The following PIAS2 variants were observed in gnomAD, a reference collection of about 807,000 sequenced individuals.
PIAS2 encodes the protein E3 SUMO-protein ligase PIAS2.
In PIAS2, 19 loss-of-function variants were observed where a neutral mutation model predicts 69.7. That is an observed-to-expected ratio of 0.27 (90% CI 0.19 to 0.40). PIAS2 has a LOEUF of 0.40. Ranked by LOEUF, PIAS2 falls within the 10% of genes least tolerant of loss-of-function variation. The probability of loss-of-function intolerance (pLI) is 1.00; values close to 1 mark genes in which losing one functional copy is unlikely to be tolerated. For missense variants in PIAS2, 624 were observed against 757.0 expected, an observed-to-expected ratio of 0.82 and a Z score of 2.06; for synonymous variants, 261 against 263.2, an observed-to-expected ratio of 0.99 and a Z score of 0.08.
chr18:46,869,791 G>A (rs1252664551), intron 2 of PIAS2, among the ~76,000 whole-genome samples: 2 of 152,146 alleles, frequency 1.3e-5, no homozygotes, highest in Non-Finnish European at 2.9e-5. Flanking sequence ...TCAGTCAAAT[G>A]AGGATTGAAT....
At chr18:46,875,736 G>A (rs141668621) in intron 2 of PIAS2, among the ~76,000 whole-genome samples, 5 of 152,176 alleles carry the variant, frequency 3.3e-5, no homozygotes, top group Non-Finnish European at 7.3e-5. Context: ...TGGCTGAAAC[G>A]GATTAAATAT....
At chr18:46,853,206 G>A (rs1368193480) in intron 5 of PIAS2, 1 of 134,352 alleles carries the variant, frequency 7.4e-6, no homozygotes, top group African/African-American at 2.8e-5. Flanking sequence ...GAGCCTCTAG[G>A]AGGCTAAGAC....
chr18:46,812,465 T>C lies in PIAS2; in HGVS notation c.1834A>G (p.Ser612Gly), dbSNP rs762891257. The stretch of plus-strand genomic sequence containing the variant: ...AATGAGATGATGTCAGGAATGTTAC[T>C]TCCACTGCTGGTTATGACCCCTGTC... The part of the protein sequence containing the change: ...SETGVITSSG[S>G]NIPDIISLD Residue 612 changes from serine to glycine, a missense_variant, in exon 14 of 14, where the codon AGT becomes GGT. Physicochemically the swap from Ser to Gly is moderately conservative, Grantham distance 56. Around this residue, in one of 3 missense-constraint regions of PIAS2, gnomAD observed 241 missense variants for 257.3 expected, o/e 0.94. Coordinates refer to ENST00000585916, the MANE Select transcript of PIAS2 (RefSeq NM_004671.5). 6.2e-7 allele frequency: 1 copy of C among 1,612,708 alleles called. No homozygotes were observed. Among genetic ancestry groups the C allele is most frequent in the Non-Finnish European group, 8.5e-7 (1 of 1,179,024 alleles).
intron 12 of PIAS2, among the ~76,000 whole-genome samples, chr18:46,819,035 G>C (rs890581331): frequency 6.6e-6 from 1 of 152,090 alleles, no homozygotes; most frequent in Non-Finnish European, 1.5e-5. Context: ...TCCAGGTTCA[G>C]AGAACTGAAA....
chr18:46,886,098 C>T (rs899654126), intron 2 of PIAS2, among the ~76,000 whole-genome samples: 2 of 152,180 alleles, frequency 1.3e-5, no homozygotes, highest in African/African-American at 4.8e-5. Context: ...AAGCCTACTA[C>T]AGCATCTTCA....
At chr18:46,814,123 G>A (rs1177083524) in intron 13 of PIAS2, among the ~76,000 whole-genome samples, 2 of 152,106 alleles carry the variant, frequency 1.3e-5, no homozygotes, top group African/African-American at 4.8e-5. Context: ...TGAATTCTTA[G>A]TAGTATTCAG....
intron 1 of PIAS2, chr18:46,891,696 CA>C: frequency 1.1e-6 from 1 of 950,888 alleles, no homozygotes; most frequent in Non-Finnish European, 1.3e-6. Flanking sequence ...GCTGGGTATC[CA>C]AATGAGAAAA....
At chr18:46,871,887 C>T (rs541621989) in intron 2 of PIAS2, among the ~76,000 whole-genome samples, 7 of 152,266 alleles carry the variant, frequency 4.6e-5, no homozygotes, top group Non-Finnish European at 7.4e-5. Flanking sequence ...TCAGTCCAAA[C>T]GGATTTCTCA....
chr18:46,891,681 T>G (rs2146002626), intron 1 of PIAS2: 1 of 968,640 alleles, frequency 1.0e-6, no homozygotes. Flanking sequence ...CAACTGAAAT[T>G]CCCAGCTGGG....
Position 46,829,871 on chromosome 18 carries a change from A to G in PIAS2, c.1203-4T>C, listed in dbSNP as rs1244679198. On this transcript the variant is annotated splice_polypyrimidine_tract_variant and splice_region_variant and intron_variant, in intron 9 of 13. Transcript: ENST00000585916. ...ATTGAGAATTTCCATAAAAAGCCTA[A>G]AAAACAATTAAGAAGTACATACATG... The G allele has an allele frequency of 6.2e-7, 1 of 1,610,554 alleles. No individual in the cohort carries two copies. The highest frequency in any genetic ancestry group is 8.5e-7 in the Non-Finnish European group (1 of 1,178,620).
At chr18:46,844,687 T>C (rs1256263015) in intron 7 of PIAS2, 47 bp downstream of exon 7, 2 of 705,964 alleles carry the variant, frequency 2.8e-6, no homozygotes, top group Non-Finnish European at 4.4e-6. Flanking sequence ...ATATGCTCAA[T>C]CTTTTTTTTT....
chr18:46,807,383 A>ATTTT lies in PIAS2; in HGVS notation c.*5046_*5049dup, dbSNP rs869285083. The ATTTT allele has an allele frequency of 2.8e-3, 33 of 11,594 alleles. 3 individuals carry two copies. The highest frequency in any genetic ancestry group is 4.8e-3 in the Admixed American group (4 of 838). The allele number at this position is 11,594 out of a possible 1,614,324, so 0.7% of individuals were successfully genotyped here. On this transcript the variant is annotated 3_prime_UTR_variant, in exon 14 of 14. Coordinates refer to ENST00000585916, the MANE Select transcript of PIAS2 (RefSeq NM_004671.5). ...TATATATATATATATATATATATAT[A>ATTTT]TTTTTTTTTTTTTTTTTTTTTTTTT... is the stretch of plus-strand genomic sequence containing the variant.
Position 46,807,141 on chromosome 18 carries a change from C to T in PIAS2, c.*5292G>A, listed in dbSNP as rs1479469813. The T allele has an allele frequency of 6.6e-6, 1 of 151,176 alleles. No homozygotes were observed. Among genetic ancestry groups the T allele is most frequent in the Admixed American group, 6.6e-5 (1 of 15,156 alleles). The allele number at this position is 151,176 out of a possible 1,614,324, so 9.4% of individuals were successfully genotyped here. ...CTGGCTTTGGGGAGCTCAGAAAGGC[C>T]ATAATGGGGCCTACAGGAAGAGGAA... On this transcript the variant is annotated 3_prime_UTR_variant, in exon 14 of 14. Transcript: ENST00000585916.
intron 1 of PIAS2, chr18:46,905,723 A>G (rs1224645522): frequency 6.6e-6 from 1 of 152,206 alleles, no homozygotes; most frequent in Non-Finnish European, 1.5e-5. Flanking sequence ...CTATAAAAGT[A>G]TGAACTACTA....
upstream of PIAS2, among the ~76,000 whole-genome samples, chr18:46,919,007 A>ATGTG (rs112427539): frequency 1.8e-3 from 262 of 143,308 alleles, no homozygotes; most frequent in African/African-American, 5.2e-3. Context: ...ATATATATAT[A>ATGTG]TGTGTGTGTG....
chr18:46,814,792 C>A (rs2041337000), intron 13 of PIAS2, among the ~76,000 whole-genome samples: 1 of 152,148 alleles, frequency 6.6e-6, no homozygotes, highest in Non-Finnish European at 1.5e-5. Context: ...TGTTGGGACA[C>A]CGAGCTACTA....
intron 3 of PIAS2, among the ~76,000 whole-genome samples, chr18:46,855,997 GTTTTTTTTT>G (rs1171297653): frequency 8.8e-5 from 6 of 67,964 alleles, no homozygotes; most frequent in African/African-American, 3.6e-4. Context: ...TTTTTCTTTT[GTTTTTTTTT>G]TTTTTTTTTT....
chr18:46,818,035 T>A, intron 12 of PIAS2: 5 of 990,922 alleles, frequency 5.0e-6, no homozygotes, highest in Non-Finnish European at 6.0e-6. Context: ...AAATGCTCAA[T>A]TACTTTTAAC....
chr18:46,880,089 T>TAAA (rs58230183), intron 2 of PIAS2, among the ~76,000 whole-genome samples: 4 of 110,396 alleles, frequency 3.6e-5, no homozygotes, highest in Non-Finnish European at 5.7e-5. Flanking sequence ...TTTACCACAG[T>TAAA]AAAAAAAAAA....
Sources: gnomAD v4.1 joint callset for allele counts (sites outside exome capture counted in the v4.1 genomes callset) on GRCh38, gnomAD v4.1.1 for gene constraint, gnomAD v4.1.1 regional missense constraint, MANE v1.5 for transcripts, NCBI Gene and HGNC (gene_info 2026-07-23, HGNC 2026-07-21) for gene names.